LYST: variants seen among roughly 807,000 people sequenced by gnomAD.
The protein encoded by LYST is lysosomal trafficking regulator, also known as lysosomal-trafficking regulator.
Under a neutral mutation model 413.6 loss-of-function variants are expected in LYST, and 192 were observed. That is an observed-to-expected ratio of 0.46 (90% CI 0.41 to 0.52). The LOEUF (loss-of-function observed/expected upper bound fraction) is 0.52. Among genes scored for constraint, LYST ranks in the 20% least tolerant of loss-of-function variants. LYST has a pLI of 0.00. For synonymous variants in LYST, 1,525 were observed against 1,567.3 expected (o/e 0.97, Z 0.64); for missense variants, 3,815 against 4,499.9 (o/e 0.85, Z 4.35).
intron 9 of LYST, 48 bp downstream of exon 9, chr1:235,800,823 G>A (rs899972588): frequency 7.9e-7 from 1 of 1,262,974 alleles, no homozygotes; most frequent in East Asian, 2.4e-5. Context: ...GTTATTGGGT[G>A]ATGAGTCTGA....
At chr1:235,691,699 C>CTTTTT (rs1161712139) in intron 47 of LYST, among the ~76,000 whole-genome samples, 22 of 141,996 alleles carry the variant, frequency 1.5e-4, no homozygotes, top group African/African-American at 4.7e-4. Flanking sequence ...CAGATTCTCT[C>CTTTTT]TTTTTTTTTT....
chr1:235,735,700 T>C (rs948390410), intron 31 of LYST: 2 of 152,156 alleles, frequency 1.3e-5, no homozygotes, highest in Admixed American at 6.5e-5. Flanking sequence ...TGTCAGCAAA[T>C]GGATCTGGAA....
intron 13 of LYST, among the ~76,000 whole-genome samples, chr1:235,787,801 C>T (rs1670587040): frequency 6.6e-6 from 1 of 152,048 alleles, no homozygotes; most frequent in African/African-American, 2.4e-5. Flanking sequence ...ACATAAGGCA[C>T]CTAGTAATGT....
Position 235,709,254 on chromosome 1 carries a change from G to A in LYST, c.9980C>T (p.Pro3327Leu), listed in dbSNP as rs1252557907. The A allele has an allele frequency of 6.2e-7, 1 of 1,614,018 alleles. No homozygotes were observed. Residue 3327 changes from proline (P) to leucine (L), a missense_variant, in exon 44 of 53, where the codon CCC becomes CTC. By Grantham distance (98) the Pro-to-Leu change is moderately conservative. Around this residue, in one of 4 missense-constraint regions of LYST, gnomAD observed 866 missense variants for 1,156.0 expected, o/e 0.75. Transcript: ENST00000389793. Reference protein sequence around the residue: ...NGERVNHVNLPPWARNDPRLF... With the variant: ...NGERVNHVNLLPWARNDPRLF... Reference sequence around the variant, plus strand: ...ACGAGGATCATTACGCGCCCAAGGGGGAAGGTTGACGTGATTAACCCGTTC... The same window carrying A: ...ACGAGGATCATTACGCGCCCAAGGGAGAAGGTTGACGTGATTAACCCGTTC...
At chr1:235,800,213 G>A (rs1672058029) in intron 10 of LYST, 107 bp downstream of exon 10, 3 of 764,108 alleles carry the variant, frequency 3.9e-6, no homozygotes, top group Admixed American at 1.9e-5. Context: ...GCCTCCCAAA[G>A]TGCTAAGATC....
chr1:235,677,597 G>A lies in LYST; in HGVS notation c.10823C>T (p.Thr3608Ile). Residue 3608 changes from threonine (T) to isoleucine (I), a missense_variant, in exon 49 of 53, where the codon ACT (threonine) becomes ATT (isoleucine). Thr to Ile is a moderately conservative substitution (Grantham distance 89). Transcript: ENST00000389793. ...SSTPSEIEME[T>I]QIHLYGHTEE... ...TGTGTGACCATAGAGATGTATTTGA[G>A]TCTCCATTTCTATTTCTGATGGCTG... 6.2e-7 allele frequency: 1 copy of A among 1,612,702 alleles called. No individual in the cohort carries two copies. Among genetic ancestry groups the A allele is most frequent in the Non-Finnish European group, 8.5e-7 (1 of 1,178,940 alleles).
chr1:235,696,814 A>G (rs1661142541), intron 46 of LYST, among the ~76,000 whole-genome samples: 1 of 152,182 alleles, frequency 6.6e-6, no homozygotes, highest in African/African-American at 2.4e-5. Flanking sequence ...CAAAGTGTAC[A>G]TTTCTGCCAA....
At chr1:235,870,195 A>G (rs1433700809), upstream of LYST, among the ~76,000 whole-genome samples, 1 of 152,116 alleles carries the variant, frequency 6.6e-6, no homozygotes, top group Non-Finnish European at 1.5e-5. Context: ...GAGAGTTGAC[A>G]CAGTTGTTAA....
At chr1:235,801,775 T>G (rs1023421181) in intron 8 of LYST, among the ~76,000 whole-genome samples, 8 of 152,158 alleles carry the variant, frequency 5.3e-5, no homozygotes, top group African/African-American at 1.9e-4. Flanking sequence ...TAAACCAATA[T>G]TTTTTCAAAA....
chr1:235,798,729 T>A (rs922084931), intron 10 of LYST, among the ~76,000 whole-genome samples: 1 of 151,850 alleles, frequency 6.6e-6, no homozygotes, highest in Non-Finnish European at 1.5e-5. Flanking sequence ...TCATGCTATG[T>A]GAAAGAAACC....
intron 50 of LYST, among the ~76,000 whole-genome samples, chr1:235,666,891 T>A (rs1315759498): frequency 1.3e-5 from 2 of 152,198 alleles, no homozygotes; most frequent in African/African-American, 4.8e-5. Flanking sequence ...TAAAAGATAT[T>A]GAGGTAGGGG....
intron 28 of LYST, among the ~76,000 whole-genome samples, chr1:235,748,370 A>G (rs1666129451): frequency 6.6e-6 from 1 of 152,194 alleles, no homozygotes; most frequent in South Asian, 2.1e-4. Context: ...TACCTTATTT[A>G]TAATAGCAAA....
At position 235,753,136 on chromosome 1, in the gene LYST, A is replaced by G. The variant is rs199631995; in HGVS notation, c.7368T>C (p.Asn2456=). 752 of 1,610,182 alleles carry G rather than the reference A, an allele frequency of 4.7e-4. 1 individual carries two copies. Among genetic ancestry groups the G allele is most frequent in the Non-Finnish European group, 5.8e-4 (684 of 1,176,604 alleles). ...NALLLLLQIL[N]SCSKVADMLL... is the part of the protein sequence containing the mutation. ...ACATATCTGCTACCTTAGAACAAGA[A>G]TTTAAAATTTGGAGAAGAAGTAAAA... The change falls in exon 26 of 53, where the codon AAT becomes AAC. Residue 2456 remains asparagine, a synonymous_variant. Transcript: ENST00000389793.
At chr1:235,696,740 A>G (rs1661134047) in intron 46 of LYST, among the ~76,000 whole-genome samples, 1 of 152,302 alleles carries the variant, frequency 6.6e-6, no homozygotes, top group Admixed American at 6.5e-5. Context: ...ACCCATGACT[A>G]TATCTTCTGA....
chr1:235,716,945 T>C (rs1662896779), intron 40 of LYST, among the ~76,000 whole-genome samples, 167 bp from the exon 41 acceptor site: 1 of 152,230 alleles, frequency 6.6e-6, no homozygotes, highest in Non-Finnish European at 1.5e-5. Flanking sequence ...TTCAAAATTA[T>C]GATTTCAGAA....
rs759179444 is a variant in LYST at position 235,812,951 on chromosome 1, G to A, written c.283+20C>T. On this transcript the variant is annotated intron_variant, in intron 4 of 52. Transcript: ENST00000389793. ...GAAATTTTGATAACACAAGTGATAT[G>A]ATAAAGGGAAAAAGCATACCTGTTG... 7 of 1,499,232 alleles carry A rather than the reference G, an allele frequency of 4.7e-6. No homozygotes were observed. The East Asian group carries it at 1.4e-4, about 29-fold the overall frequency. 92.9% of individuals were successfully genotyped at this position (1,499,232 alleles called of 1,614,324 possible).
rs183863192 is a variant in LYST at position 235,827,849 on chromosome 1, T to C, written c.192+2377A>G. 1.0e-5 allele frequency: 8 copies of C among 793,806 alleles called. No homozygotes were observed. The African/African-American group carries it at 1.3e-4, about 13-fold the overall frequency. 49.2% of individuals were successfully genotyped at this position (793,806 alleles called of 1,614,324 possible). A position where few individuals can be genotyped will look rare whatever the true frequency, so the allele number is the denominator to read the frequency against. On this transcript the variant is annotated intron_variant, in intron 3 of 52. Coordinates refer to ENST00000389793, the MANE Select transcript of LYST (RefSeq NM_000081.4). ...AAAAGAGAAAGTATTCTATTTACCA[T>C]ATATACAAAGAAAATACCGTATTTG...
intron 40 of LYST, among the ~76,000 whole-genome samples, chr1:235,717,292 T>C (rs1437475431): frequency 2.6e-5 from 4 of 152,344 alleles, no homozygotes; most frequent in East Asian, 3.9e-4. Flanking sequence ...ATTTGGAGAC[T>C]GAGAACTGAA....
At chr1:235,839,786 CAG>C (rs1677009863) in intron 1 of LYST, 1 of 151,266 alleles carries the variant, frequency 6.6e-6, no homozygotes, top group South Asian at 2.1e-4. Context: ...GCCTGGGCGA[CAG>C]AGCGAGACTC....
Sources: allele counts gnomAD v4.1 joint callset (sites outside exome capture counted in the v4.1 genomes callset), GRCh38; gene constraint gnomAD v4.1.1; regional missense constraint gnomAD v4.1.1; transcripts MANE v1.5; gene names NCBI Gene and HGNC (gene_info 2026-07-23, HGNC 2026-07-21).